The following RGP1 variants were observed in gnomAD, a reference collection of about 807,000 sequenced individuals.
The protein encoded by RGP1 is RAB6A-GEF complex partner protein 2.
RGP1 carries 28 observed loss-of-function variants against 44.5 expected under a neutral mutation model. The observed-to-expected ratio is 0.63, with a 90% CI of 0.47 to 0.86. The LOEUF is 0.86. RGP1 is among the 40% of genes least tolerant of loss of function. The probability of loss-of-function intolerance (pLI) is 0.00; values close to 1 mark genes in which losing one functional copy is unlikely to be tolerated. For synonymous variants in RGP1, 212 were observed against 196.7 expected (o/e 1.08, Z -0.65); for missense variants, 417 against 490.7 (o/e 0.85, Z 1.42).
chr9:35,749,710 C>T lies in RGP1; in HGVS notation c.-19-27C>T. 11 of 1,418,162 alleles carry T rather than the reference C, an allele frequency of 7.8e-6. No homozygotes were observed. The highest frequency in any genetic ancestry group is 9.9e-6 in the Non-Finnish European group (10 of 1,008,218). The allele number at this position is 1,418,162 out of a possible 1,614,324, so 87.8% of individuals were successfully genotyped here. On this transcript the variant is annotated intron_variant, in intron 1 of 8. Transcript: ENST00000378078. The surrounding 1 kb of genome is among the most constrained non-coding windows in gnomAD (Gnocchi z 4.4). ...ACGCCCCTCCCTGTCAAGGTGCTGA[C>T]CTCCGCCCCGCCTTGTTTCCTTCTA... is the stretch of plus-strand genomic sequence containing the variant.
chr9:35,750,716 G>A lies in RGP1; in HGVS notation c.312G>A (p.Arg104=). 6.2e-7 allele frequency: 1 copy of A among 1,613,974 alleles called. No homozygotes were observed. ...TPPKILFCDL[R]LDPGESKSYS... is the part of the protein sequence containing the mutation. Reference sequence around the variant, plus strand: ...CGAAAATTCTATTCTGTGACCTGAGGCTTGATCCTGGAGAGTCCAAATCAT... The same window carrying A: ...CGAAAATTCTATTCTGTGACCTGAGACTTGATCCTGGAGAGTCCAAATCAT... Residue 104 remains arginine (R), a synonymous_variant, in exon 4 of 9, where the codon AGG becomes AGA. Transcript: ENST00000378078.
chr9:35,778,579 G>A, the RGP1 span, among the ~76,000 whole-genome samples: 2 of 152,102 alleles, frequency 1.3e-5, no homozygotes, highest in African/African-American at 2.4e-5. Context: ...AATATAATAT[G>A]ACATGTCAAA....
chr9:35,750,797 C>A, intron 4 of RGP1, 43 bp from the exon 5 acceptor site: 4 of 1,613,836 alleles, frequency 2.5e-6, no homozygotes, highest in Non-Finnish European at 8.5e-7. Context: ...AGGGAGGACT[C>A]CTCTGGTGCC....
chr9:35,759,381 A>G (rs568562383), downstream of RGP1, among the ~76,000 whole-genome samples: 14 of 152,056 alleles, frequency 9.2e-5, no homozygotes, highest in South Asian at 2.5e-3. Context: ...CCTGGCCAAC[A>G]TGGTGAAACC....
At chr9:35,771,690 G>A in the RGP1 span, among the ~76,000 whole-genome samples, 2 of 152,216 alleles carry the variant, frequency 1.3e-5, no homozygotes, top group African/African-American at 4.8e-5. Flanking sequence ...GTACACAAGA[G>A]TAATCTGGCT....
At position 35,751,218 on chromosome 9, in the gene RGP1, C is replaced by G. The variant is rs1286963235; in HGVS notation, c.488-48C>G. 5 of 1,604,656 alleles carry G rather than the reference C, an allele frequency of 3.1e-6. No homozygotes were observed. The South Asian group carries it at 5.5e-5, about 18-fold the overall frequency. ...AATCTAAAACCCTAACCTCTACTCT[C>G]ATCTCCGTTCCCTCTCAGCATTACC... On this transcript the variant is annotated intron_variant, in intron 5 of 8. Transcript: ENST00000378078.
the RGP1 span, among the ~76,000 whole-genome samples, chr9:35,768,545 G>A: frequency 6.6e-6 from 1 of 152,184 alleles, no homozygotes; most frequent in Middle Eastern, 3.2e-3. Flanking sequence ...AGAAAAAATA[G>A]TGCCAGGGGA....
chr9:35,767,795 T>C, the RGP1 span, among the ~76,000 whole-genome samples: 1 of 152,152 alleles, frequency 6.6e-6, no homozygotes, highest in African/African-American at 2.4e-5. Context: ...AAAAGAAATG[T>C]AGACATTAAG....
intron 5 of RGP1, 105 bp downstream of exon 5, chr9:35,751,094 A>G (rs1024035164): frequency 1.3e-6 from 2 of 1,501,006 alleles, no homozygotes; most frequent in South Asian, 2.4e-5. Context: ...TCCTGGTCTC[A>G]GTGACAGTGC....
chr9:35,770,746 T>G, the RGP1 span, among the ~76,000 whole-genome samples: 1 of 152,102 alleles, frequency 6.6e-6, no homozygotes, highest in Non-Finnish European at 1.5e-5. Flanking sequence ...CTGGAGATGC[T>G]TAGGTTACTT....
the RGP1 span, among the ~76,000 whole-genome samples, chr9:35,765,396 C>G: frequency 6.6e-6 from 1 of 152,130 alleles, no homozygotes; most frequent in Non-Finnish European, 1.5e-5. Context: ...GTGGCTCATG[C>G]CTGTAATCCC....
At chr9:35,750,066 C>T (rs1827211060) in intron 2 of RGP1, among the ~76,000 whole-genome samples, 177 bp from the exon 3 acceptor site, 3 of 152,234 alleles carry the variant, frequency 2.0e-5, no homozygotes, top group Admixed American at 2.0e-4. Flanking sequence ...CCCCCGTTCC[C>T]CTTTTTACGC....
At chr9:35,786,588 A>T in the RGP1 span, 1 of 152,220 alleles carries the variant, frequency 6.6e-6, no homozygotes, top group Non-Finnish European at 1.5e-5. Flanking sequence ...AGCTTGAATC[A>T]TCAAGGAAAT....
intron 3 of RGP1, 106 bp downstream of exon 3, chr9:35,750,485 T>C (rs888061313): frequency 8.7e-6 from 12 of 1,384,482 alleles, no homozygotes; most frequent in Non-Finnish European, 1.1e-5. Context: ...TTATAGTCCC[T>C]GTCATGCTGG....
At chr9:35,790,220 C>T in the RGP1 span, 1 of 153,110 alleles carries the variant, frequency 6.5e-6, no homozygotes, top group Non-Finnish European at 1.5e-5. Context: ...AACCCCTCTG[C>T]GTTAAAGAAG....
Position 35,755,063 on chromosome 9 carries a change from C to G in RGP1, c.*2189C>G, listed in dbSNP as rs896265460. Reference sequence around the variant, plus strand: ...CATTTGGCATCCTCTGAGTTTCCCACAGGTTCTGGAGGAGCCCAGGATGGA... The same window carrying G: ...CATTTGGCATCCTCTGAGTTTCCCAGAGGTTCTGGAGGAGCCCAGGATGGA... On this transcript the variant is annotated 3_prime_UTR_variant, in exon 9 of 9. Coordinates refer to ENST00000378078, the MANE Select transcript of RGP1 (RefSeq NM_001080496.3). 2 of 152,202 alleles carry G rather than the reference C, an allele frequency of 1.3e-5. No homozygotes were observed. Among genetic ancestry groups the G allele is most frequent in the Non-Finnish European group, 2.9e-5 (2 of 68,054 alleles). 9.4% of individuals were successfully genotyped at this position (152,202 alleles called of 1,614,324 possible).
At chr9:35,770,748 A>G in the RGP1 span, among the ~76,000 whole-genome samples, 3 of 152,174 alleles carry the variant, frequency 2.0e-5, no homozygotes, top group Non-Finnish European at 4.4e-5. Context: ...GGAGATGCTT[A>G]GGTTACTTAT....
In RGP1 at chr9:35,754,000, C is replaced by G. The variant is rs1827319229; in HGVS notation, c.*1126C>G. On this transcript the variant is annotated 3_prime_UTR_variant, in exon 9 of 9. Transcript: ENST00000378078. This position sits in a 1 kb window ranked among gnomAD's most constrained non-coding sequence, Gnocchi z 4.2. ...TTCCTAACGCTTCACCCCACTTTAC[C>G]TTGAGCTTGGAAGTAGCACTTGCTG... The G allele has an allele frequency of 1.2e-6, 2 of 1,612,630 alleles. No homozygotes were observed.
In RGP1 at chr9:35,749,947, A is replaced by C. The variant is rs1040973701; in HGVS notation, c.116+76A>C. On this transcript the variant is annotated intron_variant, in intron 2 of 8. Transcript: ENST00000378078. This position sits in a 1 kb window ranked among gnomAD's most constrained non-coding sequence, Gnocchi z 4.4. ...TATCTCTGGGGCTGAGGCAGAGCTC[A>C]GGTTGTCCTGTAGCGACACCACCTC... The C allele has an allele frequency of 5.9e-6, 7 of 1,182,432 alleles. No individual in the cohort carries two copies. The African/African-American group carries it at 7.7e-5, about 13-fold the overall frequency. 73.2% of individuals were successfully genotyped at this position (1,182,432 alleles called of 1,614,324 possible).
Sources: gnomAD v4.1 joint callset for allele counts (sites outside exome capture counted in the v4.1 genomes callset) on GRCh38, gnomAD v4.1.1 for gene constraint, Gnocchi (gnomAD v3.1) non-coding constraint, MANE v1.5 for transcripts, NCBI Gene and HGNC (gene_info 2026-07-23, HGNC 2026-07-21) for gene names.